The following SH2D6 variants were observed in gnomAD, a reference collection of about 807,000 sequenced individuals.
SH2D6 encodes the protein SH2 domain-containing protein 6.
A neutral mutation model predicts 30.2 loss-of-function variants in SH2D6; 31 were observed. That is an observed-to-expected ratio of 1.03 (90% confidence interval 0.77 to 1.38). The LOEUF is 1.38. SH2D6 is among the 40% of genes most tolerant of loss of function. SH2D6 has a pLI of 0.00. For missense variants in SH2D6, 240 were observed against 266.8 expected, an observed-to-expected ratio of 0.90 and a Z score of 0.70; for synonymous variants, 93 against 104.6, an observed-to-expected ratio of 0.89 and a Z score of 0.68.
rs559960739 is a variant in SH2D6, at chr2:85,436,733, G to C, written c.*13-104G>C. ...CATTAATGGGGAAAGCCTGCCTGGAGGCCCAGGGAAGGGTCCTGGAGACCC... is the reference window on the plus strand; with the variant it reads ...CATTAATGGGGAAAGCCTGCCTGGACGCCCAGGGAAGGGTCCTGGAGACCC... On this transcript the variant is annotated intron_variant, in intron 23 of 23. Transcript: ENST00000469800. The C allele has an allele frequency of 1.8e-5, 12 of 677,840 alleles. No individual in the cohort carries two copies. In the African/African-American group the frequency reaches 2.1e-4, roughly 12 times the overall value. The allele number at this position is 677,840 out of a possible 1,614,324, so 42.0% of individuals were successfully genotyped here.
At chr2:85,433,255 C>T in intron 15 of SH2D6, 134 bp downstream of exon 15, 2 of 625,032 alleles carry the variant, frequency 3.2e-6, no homozygotes, top group Non-Finnish European at 4.0e-6. Context: ...GGGCCCCTGC[C>T]CCTCAGCCAC....
intron 20 of SH2D6, 67 bp downstream of exon 20, chr2:85,435,190 A>T (rs937921274): frequency 1.3e-6 from 2 of 1,516,452 alleles, no homozygotes; most frequent in African/African-American, 2.8e-5. Flanking sequence ...GTCCTTACCC[A>T]GGAACCCTCT....
intron 6 of SH2D6, among the ~76,000 whole-genome samples, chr2:85,426,248 C>T (rs1283940862): frequency 6.6e-6 from 1 of 152,206 alleles, no homozygotes; most frequent in Non-Finnish European, 1.5e-5. Flanking sequence ...GCCATCTTCT[C>T]TGTCTGCTGG....
intron 14 of SH2D6, among the ~76,000 whole-genome samples, chr2:85,432,439 G>A (rs1187736571): frequency 4.7e-5 from 7 of 149,532 alleles, no homozygotes; most frequent in Admixed American, 6.6e-5. Flanking sequence ...TCTTGCTGTC[G>A]CCCAGGCTGG....
intron 5 of SH2D6, among the ~76,000 whole-genome samples, chr2:85,423,732 A>C (rs1008029684): frequency 6.6e-6 from 1 of 152,228 alleles, no homozygotes; most frequent in Non-Finnish European, 1.5e-5. Context: ...CTGAGTCAGC[A>C]GACCTGTGAC....
chr2:85,423,220 TTTTG>T (rs1236171272), intron 5 of SH2D6, among the ~76,000 whole-genome samples: 2 of 147,354 alleles, frequency 1.4e-5, no homozygotes, highest in Non-Finnish European at 3.0e-5. Context: ...GTTGTTTTTG[TTTTG>T]TTTTGTTTTG....
At chr2:85,421,752 C>G (rs11678715) in intron 2 of SH2D6, 36,020 of 152,188 alleles carry the variant, frequency 0.24, 4,978 homozygotes, top group Non-Finnish European at 0.32. Context: ...GAAGGGTCAC[C>G]TAAGCTGGGG....
intron 20 of SH2D6, 60 bp from the exon 21 acceptor site, chr2:85,435,353 G>A (rs1689314172): frequency 7.0e-6 from 11 of 1,568,056 alleles, no homozygotes; most frequent in Middle Eastern, 1.7e-4. Context: ...CTGGGTCCTC[G>A]GCTCCGCATG....
chr2:85,419,577 G>T (rs960638647), intron 2 of SH2D6, among the ~76,000 whole-genome samples: 1 of 151,170 alleles, frequency 6.6e-6, no homozygotes, highest in African/African-American at 2.5e-5. Context: ...CACCTGTATC[G>T]GGAGCAGTGA....
At chr2:85,420,386 C>G (rs1220666497) in intron 2 of SH2D6, among the ~76,000 whole-genome samples, 1 of 152,174 alleles carries the variant, frequency 6.6e-6, no homozygotes, top group Non-Finnish European at 1.5e-5. Context: ...TCCCAAAGTG[C>G]CGGGATTACA....
intron 15 of SH2D6, 34 bp downstream of exon 15, chr2:85,433,155 A>G: frequency 1.0e-6 from 1 of 983,636 alleles, no homozygotes; most frequent in South Asian, 4.7e-5. Flanking sequence ...CTCAGTTTCC[A>G]GGCTTCTGGT....
intron 21 of SH2D6, 51 bp downstream of exon 21, chr2:85,435,547 G>A: frequency 6.2e-7 from 1 of 1,600,636 alleles, no homozygotes; most frequent in Non-Finnish European, 8.5e-7. Flanking sequence ...TTGCTCACAG[G>A]CTGTGGCTGG....
rs1178650478 is a variant in SH2D6 at position 85,422,421 on chromosome 2, T to G, written c.-464-9T>G. Reference sequence around the variant, plus strand: ...AAATATCTAGAAATTCCACTAAAATTTCCTTAAGTCAACAGGACACAGAAT... The same window carrying G: ...AAATATCTAGAAATTCCACTAAAATGTCCTTAAGTCAACAGGACACAGAAT... On this transcript the variant is annotated splice_polypyrimidine_tract_variant and intron_variant, in intron 3 of 23. Coordinates refer to ENST00000469800, the MANE Select transcript of SH2D6 (RefSeq NM_001394463.1). 1.3e-5 allele frequency: 2 copies of G among 152,184 alleles called. No homozygotes were observed. Among genetic ancestry groups the G allele is most frequent in the African/African-American group, 4.8e-5 (2 of 41,434 alleles). 9.4% of individuals were successfully genotyped at this position (152,184 alleles called of 1,614,324 possible).
chr2:85,434,705 T>C, intron 19 of SH2D6: 1 of 1,400,288 alleles, frequency 7.1e-7, no homozygotes, highest in Non-Finnish European at 9.4e-7. Context: ...GCCCCAGCCC[T>C]GCAGGCCAGA....
chr2:85,419,715 T>C (rs1687675709), intron 2 of SH2D6, among the ~76,000 whole-genome samples: 1 of 152,266 alleles, frequency 6.6e-6, no homozygotes, highest in African/African-American at 2.4e-5. Flanking sequence ...ACCTAGTCAA[T>C]GAAGGTTTAG....
At chr2:85,423,045 G>A (rs1345423769) in intron 5 of SH2D6, among the ~76,000 whole-genome samples, 10 of 151,710 alleles carry the variant, frequency 6.6e-5, no homozygotes, top group Admixed American at 3.9e-4. Flanking sequence ...GTGCCACCAC[G>A]TCTGGCTAAT....
At chr2:85,435,011 G>GGCCCC in intron 19 of SH2D6, 54 bp from the exon 20 acceptor site, 1 of 932,134 alleles carries the variant, frequency 1.1e-6, no homozygotes, top group Non-Finnish European at 1.4e-6. Context: ...AGCCACCTTT[G>GGCCCC]CCCACCCCCA....
intron 19 of SH2D6, 54 bp from the exon 20 acceptor site, chr2:85,435,011 G>GGCCCCCCC: frequency 1.1e-6 from 1 of 932,134 alleles, no homozygotes; most frequent in South Asian, 2.0e-5. Flanking sequence ...AGCCACCTTT[G>GGCCCCCCC]CCCACCCCCA....
intron 6 of SH2D6, among the ~76,000 whole-genome samples, chr2:85,428,196 G>A (rs1302863337): frequency 6.6e-6 from 1 of 151,988 alleles, no homozygotes; most frequent in Non-Finnish European, 1.5e-5. Context: ...GAAGTCATGA[G>A]CTCCTTAAGG....
Sources: allele counts gnomAD v4.1 joint callset (sites outside exome capture counted in the v4.1 genomes callset), GRCh38; gene constraint gnomAD v4.1.1; transcripts MANE v1.5; gene names NCBI Gene and HGNC (gene_info 2026-07-23, HGNC 2026-07-21).